Variants in MST1R observed in about 807,000 individuals in gnomAD.
The protein encoded by MST1R is macrophage stimulating 1 receptor, also known as macrophage-stimulating protein receptor.
Under a neutral mutation model 117.8 loss-of-function variants are expected in MST1R, and 99 were observed. The observed-to-expected ratio is 0.84, with a 90% CI of 0.71 to 0.99. The LOEUF (loss-of-function observed/expected upper bound fraction) is 0.99, where lower values mean the gene tolerates loss of function less well. Ranked by LOEUF, MST1R falls within the 50% of genes least tolerant of loss-of-function variation. The pLI is 0.00. For missense variants in MST1R, 1,683 were observed against 1,840.2 expected (o/e 0.91, Z 1.56); for synonymous variants, 734 against 765.3 (o/e 0.96, Z 0.68).
chr3:49,895,413 G>T, intron 13 of MST1R, 34 bp downstream of exon 13: 1 of 1,614,110 alleles, frequency 6.2e-7, no homozygotes, highest in Non-Finnish European at 8.5e-7. Flanking sequence ...GGGACAGGGG[G>T]TGGCTTTAGC....
chr3:49,902,295 G>C (rs2108499648), intron 1 of MST1R, 85 bp downstream of exon 1: 1 of 1,492,574 alleles, frequency 6.7e-7, no homozygotes, highest in Non-Finnish European at 9.0e-7. Flanking sequence ...CGCGCCCCCA[G>C]ATCCCCTCAG....
In MST1R at chr3:49,898,640, AGGTCAG is replaced by A; in HGVS notation, c.1591_1596del (p.Leu531_Thr532del). 2 of 1,614,206 alleles carry A rather than the reference AGGTCAG, an allele frequency of 1.2e-6. No homozygotes were observed. The highest frequency in any genetic ancestry group is 8.5e-7 in the Non-Finnish European group (1 of 1,180,044). On this transcript the variant is annotated inframe_deletion, in exon 4 of 20. Coordinates refer to ENST00000296474, the MANE Select transcript of MST1R (RefSeq NM_002447.4). Reference sequence around the variant, plus strand: ...TGCCATGCCCTTAGGCAACGCCCACAGGTCAGGAAGTGGCGGCAGCCAGGGCCTTGG... The same window carrying A: ...TGCCATGCCCTTAGGCAACGCCCACAGAAGTGGCGGCAGCCAGGGCCTTGG...
In MST1R at chr3:49,902,973, G is replaced by C. The variant is rs1252989414; in HGVS notation, c.637C>G (p.Pro213Ala). Residue 213 changes from proline to alanine, a missense_variant, in exon 1 of 20, where the codon CCA (proline) becomes GCA (alanine). By Grantham distance (27) the Pro-to-Ala change is conservative (BLOSUM62 -1). Transcript: ENST00000296474. ...LDAAVAASFSPRSVSIRRLKA... is the reference protein window; with the variant it reads ...LDAAVAASFSARSVSIRRLKA... ...AGACGCCTGATAGACACTGAGCGTG[G>C]GCTGAAGCTGGCAGCCACGGCTGCG... 2 of 1,613,226 alleles carry C rather than the reference G, an allele frequency of 1.2e-6. No individual in the cohort carries two copies. Among genetic ancestry groups the C allele is most frequent in the Admixed American group, 1.7e-5 (1 of 60,022 alleles).
chr3:49,891,210 C>T lies in MST1R; in HGVS notation c.3631G>A (p.Ala1211Thr), dbSNP rs1379154922. ...EQKFVHRDLA[A>T]RNCMLDESFT... is the part of the protein sequence containing the mutation. ...CTGGACTCTCACATGCAGTTCCGCG[C>T]AGCCAGGTCCCTGTGCACAAACTTC... The change falls in exon 17 of 20, where the codon GCG (alanine) becomes ACG (threonine). Residue 1211 changes from alanine (A) to threonine (T), a missense_variant. Transcript: ENST00000296474. 3 of 1,613,838 alleles carry T rather than the reference C, an allele frequency of 1.9e-6. No individual in the cohort carries two copies. Among genetic ancestry groups the T allele is most frequent in the South Asian group, 1.1e-5 (1 of 91,088 alleles).
chr3:49,893,049 C>T (rs1027600448), intron 14 of MST1R, among the ~76,000 whole-genome samples: 1 of 151,916 alleles, frequency 6.6e-6, no homozygotes, highest in African/African-American at 2.4e-5. Flanking sequence ...GAGGCCGAGG[C>T]GGGCGGATCA....
rs2082584548 is a variant in MST1R, at chr3:49,899,200, T to A, written c.1294A>T (p.Ser432Cys). The change falls in exon 2 of 20, where the codon AGC (serine) becomes TGC (cysteine). Residue 432 changes from serine (S) to cysteine (C), a missense_variant. Coordinates refer to ENST00000296474, the MANE Select transcript of MST1R (RefSeq NM_002447.4). Reference sequence around the variant, plus strand: ...TTGAATAGGTCCACACGTGAGAAGCTGCTACTGACCAGCAGAGGGAAGTGG... The same window carrying A: ...TTGAATAGGTCCACACGTGAGAAGCAGCTACTGACCAGCAGAGGGAAGTGG... ...CRHFPLLVSS[S>C]FSRVDLFNGL... 6.2e-7 allele frequency: 1 copy of A among 1,613,962 alleles called. No individual in the cohort carries two copies. The highest frequency in any genetic ancestry group is 2.2e-5 in the East Asian group (1 of 44,878).
At position 49,902,546 on chromosome 3, in the gene MST1R, T is replaced by C. The variant is rs756256535; in HGVS notation, c.1064A>G (p.Asp355Gly). The change falls in exon 1 of 20, where the codon GAT becomes GGT. Residue 355 changes from aspartate to glycine, a missense_variant. Transcript: ENST00000296474. ...GTTGGGGCCCACGCCAGGACCACCATCCTTGCCAGTCACAAAGACCCCAAA... is the reference window on the plus strand; with the variant it reads ...GTTGGGGCCCACGCCAGGACCACCACCCTTGCCAGTCACAAAGACCCCAAA... ...VLFGVFVTGK[D>G]GGPGVGPNSV... 8.1e-6 allele frequency: 13 copies of C among 1,613,978 alleles called. No homozygotes were observed. The highest frequency in any genetic ancestry group is 1.0e-5 in the Non-Finnish European group (12 of 1,180,038).
Position 49,903,526 on chromosome 3 carries a change from C to G in MST1R, c.84G>C (p.Gln28His). 6.2e-7 allele frequency: 1 copy of G among 1,605,592 alleles called. No individual in the cohort carries two copies. The highest frequency in any genetic ancestry group is 1.3e-5 in the African/African-American group (1 of 75,062). ...AGGCCGCGTAGGGGGTGCGCGGGCA[C>G]TGCCAGTCCTCGCCCGCCGCGGGCT... is the stretch of plus-strand genomic sequence containing the variant. ...PAKPAAGEDW[Q>H]CPRTPYAASR... Residue 28 changes from glutamine to histidine, a missense_variant, in exon 1 of 20, where the codon CAG becomes CAC. Coordinates refer to ENST00000296474, the MANE Select transcript of MST1R (RefSeq NM_002447.4).
rs777437006 is a variant in MST1R, at chr3:49,895,341, T to C, written c.3097A>G (p.Thr1033Ala). Residue 1033 changes from threonine to alanine, a missense_variant, in exon 14 of 20, where the codon ACT becomes GCT. Thr to Ala is a moderately conservative substitution (Grantham distance 58). Transcript: ENST00000296474. ...GAGAAGGATGCTCCATGGACACAAG[T>C]GGTGGAATCCAGACCATCAATGGCA... ...LPAIDGLDST[T>A]CVHGASFSDS... 6.2e-7 allele frequency: 1 copy of C among 1,614,110 alleles called. No homozygotes were observed. The highest frequency in any genetic ancestry group is 1.1e-5 in the South Asian group (1 of 91,078).
At chr3:49,888,857 G>T (rs970989863) in intron 19 of MST1R, among the ~76,000 whole-genome samples, 1 of 152,216 alleles carries the variant, frequency 6.6e-6, no homozygotes, top group Non-Finnish European at 1.5e-5. Flanking sequence ...GAGAAGGGCT[G>T]GACTGCTGAA....
chr3:49,898,342 A>C, intron 4 of MST1R, 131 bp from the exon 5 acceptor site: 2 of 1,405,338 alleles, frequency 1.4e-6, no homozygotes, highest in Non-Finnish European at 2.0e-6. Context: ...CTTGCATTCA[A>C]GCACTTTCCT....
In MST1R at chr3:49,898,153, T is replaced by C; in HGVS notation, c.1778A>G (p.Asn593Ser). ...CAGACCAGAAGGGTGAAGGTAGAAG[T>C]TGGAGCCACACAGGGTCAGCCTTGT... is the stretch of plus-strand genomic sequence containing the variant. The part of the protein sequence containing the change: ...GSTRLTLCGS[N>S]FYLHPSGLVP... The change falls in exon 5 of 20, where the codon AAC (asparagine) becomes AGC (serine). Residue 593 changes from asparagine (N) to serine (S), a missense_variant. By Grantham distance (46) the Asn-to-Ser change is conservative. Transcript: ENST00000296474. 2.5e-6 allele frequency: 4 copies of C among 1,614,002 alleles called. No individual in the cohort carries two copies. The highest frequency in any genetic ancestry group is 3.4e-6 in the Non-Finnish European group (4 of 1,180,014).
At chr3:49,891,954 AT>A in intron 14 of MST1R, 116 bp from the exon 15 acceptor site, 1 of 732,578 alleles carries the variant, frequency 1.4e-6, no homozygotes. Context: ...CTGACATTTT[AT>A]TTATTTTTAA....
chr3:49,896,183 C>T lies in MST1R; in HGVS notation c.2649+12G>A, dbSNP rs73834120. 3.2e-3 allele frequency: 5,112 copies of T among 1,614,136 alleles called. 156 individuals carry two copies. In the African/African-American group the frequency reaches 0.061, roughly 19 times the overall value. ...ATCCCCAACTGTCCCTGCCCCTATCCCTTACACTTACCTCAAACTTAATGG... is the reference window on the plus strand; with the variant it reads ...ATCCCCAACTGTCCCTGCCCCTATCTCTTACACTTACCTCAAACTTAATGG... On this transcript the variant is annotated intron_variant, in intron 10 of 19. Transcript: ENST00000296474.
At chr3:49,890,187 C>A in intron 18 of MST1R, 127 bp from the exon 19 acceptor site, 1 of 1,200,708 alleles carries the variant, frequency 8.3e-7, no homozygotes, top group South Asian at 1.6e-5. Flanking sequence ...ACTGAGAGCT[C>A]ATTCCTCAAT....
At position 49,895,786 on chromosome 3, in the gene MST1R, G is replaced by C; in HGVS notation, c.2891C>G (p.Pro964Arg). ...CAGTGCAGCCACAAGCAGCAGCAAA[G>C]GCAGCAGGATACCAAGGAGCGTGCT... ...PQSTLLGILL[P>R]LLLLVAALAT... Residue 964 changes from proline (P) to arginine (R), a missense_variant, in exon 12 of 20, where the codon CCT (proline) becomes CGT (arginine). Coordinates refer to ENST00000296474, the MANE Select transcript of MST1R (RefSeq NM_002447.4). The C allele has an allele frequency of 6.2e-7, 1 of 1,613,918 alleles. No homozygotes were observed. The highest frequency in any genetic ancestry group is 8.5e-7 in the Non-Finnish European group (1 of 1,180,010).
chr3:49,897,098 T>C (rs569575478), intron 7 of MST1R, among the ~76,000 whole-genome samples, 182 bp downstream of exon 7: 2 of 152,344 alleles, frequency 1.3e-5, no homozygotes, highest in South Asian at 2.1e-4. Context: ...GCTGGAGCCA[T>C]TGGACTCTGT....
intron 15 of MST1R, 60 bp from the exon 16 acceptor site, chr3:49,891,640 G>A: frequency 1.9e-6 from 3 of 1,609,624 alleles, no homozygotes; most frequent in Non-Finnish European, 2.6e-6. Context: ...CTCAGATGGG[G>A]AAATGGGAAA....
At chr3:49,902,306 T>A (rs946799429) in intron 1 of MST1R, 74 bp downstream of exon 1, 11 of 1,506,664 alleles carry the variant, frequency 7.3e-6, no homozygotes, top group Non-Finnish European at 9.0e-6. Context: ...ATCCCCTCAG[T>A]GATGGAAGGG....
Sources: gnomAD v4.1 joint callset for allele counts (sites outside exome capture counted in the v4.1 genomes callset) on GRCh38, gnomAD v4.1.1 for gene constraint, MANE v1.5 for transcripts, NCBI Gene and HGNC (gene_info 2026-07-23, HGNC 2026-07-21) for gene names.